HCN3: variants seen among roughly 807,000 people sequenced by gnomAD.
The protein encoded by HCN3 is potassium/sodium hyperpolarization-activated cyclic nucleotide-gated channel 3.
In HCN3, 36 loss-of-function variants were observed where a neutral mutation model predicts 56.8. The observed-to-expected ratio is 0.63, with a 90% CI of 0.49 to 0.84. The LOEUF (loss-of-function observed/expected upper bound fraction) is 0.84. Among genes scored for constraint, HCN3 ranks in the 40% least tolerant of loss-of-function variants. The pLI is 0.00. For missense variants in HCN3, 930 were observed against 1,079.3 expected (o/e 0.86, Z 1.94); for synonymous variants, 425 against 439.7 (o/e 0.97, Z 0.42).
chr1:155,285,796 G>A lies in HCN3; in HGVS notation c.1309G>A (p.Val437Ile), dbSNP rs755154997. 1.2e-5 allele frequency: 19 copies of A among 1,614,076 alleles called. No homozygotes were observed. The highest frequency in any genetic ancestry group is 1.6e-4 in the Middle Eastern group (1 of 6,084). Residue 437 changes from valine (V) to isoleucine (I), a missense_variant, in exon 6 of 8, where the codon GTC (valine) becomes ATC (isoleucine). Transcript: ENST00000368358. This position sits in a 1 kb window ranked among gnomAD's most constrained non-coding sequence, Gnocchi z 4.5. The part of the protein sequence containing the change: ...PLFAHADPSF[V>I]TAVLTKLRFE... ...GTTTGCCCATGCCGACCCCAGCTTC[G>A]TCACTGCAGTTCTCACCAAGCTGCG...
intron 2 of HCN3, among the ~76,000 whole-genome samples, chr1:155,283,575 A>G (rs964403797): frequency 8.7e-6 from 1 of 115,250 alleles, no homozygotes; most frequent in Non-Finnish European, 1.6e-5. Flanking sequence ...CCCATTATAT[A>G]TTATTATGAC....
Position 155,284,266 on chromosome 1 carries a change from G to A in HCN3, c.870+131G>A. 8.8e-7 allele frequency: 1 copy of A among 1,130,174 alleles called. No homozygotes were observed. The highest frequency in any genetic ancestry group is 1.3e-6 in the Non-Finnish European group (1 of 799,824). The allele number at this position is 1,130,174 out of a possible 1,614,324, so 70.0% of individuals were successfully genotyped here. A position where few individuals can be genotyped will look rare whatever the true frequency, so the allele number is the denominator to read the frequency against. On this transcript the variant is annotated intron_variant, in intron 3 of 7. Transcript: ENST00000368358. The surrounding 1 kb of genome is among the most constrained non-coding windows in gnomAD (Gnocchi z 4.3). ...GAAAATAGGAGCGAGGAGGTGGGGA[G>A]GAGGGAGGAAAGGGGAAGGAGACCC...
At position 155,284,412 on chromosome 1, in the gene HCN3, G is replaced by T; in HGVS notation, c.871-127G>T. 9.1e-7 allele frequency: 1 copy of T among 1,100,720 alleles called. No individual in the cohort carries two copies. The highest frequency in any genetic ancestry group is 1.3e-6 in the Non-Finnish European group (1 of 788,130). The allele number at this position is 1,100,720 out of a possible 1,614,324, so 68.2% of individuals were successfully genotyped here. Reference sequence around the variant, plus strand: ...CAGGGCCCCCCAGAACCAAACTTAAGTGCCTGCCAGGAGGAAGGCCTGCAG... The same window carrying T: ...CAGGGCCCCCCAGAACCAAACTTAATTGCCTGCCAGGAGGAAGGCCTGCAG... On this transcript the variant is annotated intron_variant, in intron 3 of 7. Transcript: ENST00000368358. The surrounding 1 kb of genome is among the most constrained non-coding windows in gnomAD (Gnocchi z 4.3).
chr1:155,284,252 C>A lies in HCN3; in HGVS notation c.870+117C>A. ...AGATGATCACAACAGAAAATAGGAG[C>A]GAGGAGGTGGGGAGGAGGGAGGAAA... On this transcript the variant is annotated intron_variant, in intron 3 of 7. Transcript: ENST00000368358. This position sits in a 1 kb window ranked among gnomAD's most constrained non-coding sequence, Gnocchi z 4.3. 8.0e-7 allele frequency: 1 copy of A among 1,242,362 alleles called. No individual in the cohort carries two copies. The highest frequency in any genetic ancestry group is 2.5e-5 in the East Asian group (1 of 40,352). 77.0% of individuals were successfully genotyped at this position (1,242,362 alleles called of 1,614,324 possible). A position where few individuals can be genotyped will look rare whatever the true frequency, so the allele number is the denominator to read the frequency against.
In HCN3 at chr1:155,285,328, C is replaced by T. The variant is rs1221100599; in HGVS notation, c.1236+17C>T. 1.2e-6 allele frequency: 2 copies of T among 1,612,946 alleles called. No homozygotes were observed. Among genetic ancestry groups the T allele is most frequent in the South Asian group, 2.2e-5 (2 of 90,916 alleles). On this transcript the variant is annotated intron_variant, in intron 5 of 7. Transcript: ENST00000368358. The surrounding 1 kb of genome is among the most constrained non-coding windows in gnomAD (Gnocchi z 4.5). ...CTTCGCGAGGTGGGGCTGGGTTGGG[C>T]CTGGAAGGGGGGCTCTTCAGGGACC...
At chr1:155,280,268 A>T (rs952227163) in intron 1 of HCN3, among the ~76,000 whole-genome samples, 10 of 148,192 alleles carry the variant, frequency 6.7e-5, no homozygotes, top group Non-Finnish European at 1.5e-4. Flanking sequence ...TATTTATTTT[A>T]TTTATTTATT....
chr1:155,288,304 G>C lies in HCN3; in HGVS notation c.2166G>C (p.Arg722=), dbSNP rs1218705516. The C allele has an allele frequency of 1.9e-6, 3 of 1,612,754 alleles. No individual in the cohort carries two copies. The highest frequency in any genetic ancestry group is 2.5e-6 in the Non-Finnish European group (3 of 1,179,792). The stretch of plus-strand genomic sequence containing the variant: ...CCTCCCAACCCTCTCTGCCTCAGCG[G>C]GCAACAGGCGATGGCTCTCCTGGGC... ...LSASQPSLPQ[R]ATGDGSPGRK... Residue 722 remains arginine, a synonymous_variant, in exon 8 of 8, where the codon CGG becomes CGC. Transcript: ENST00000368358. The surrounding 1 kb of genome is among the most constrained non-coding windows in gnomAD (Gnocchi z 6.5).
chr1:155,280,815 C>T (rs1450854413), intron 1 of HCN3, among the ~76,000 whole-genome samples: 5 of 127,410 alleles, frequency 3.9e-5, no homozygotes, highest in South Asian at 5.1e-4. Context: ...AGTGCAATGG[C>T]GCAATCTCGG....
In HCN3 at chr1:155,285,097, ACCC is replaced by A; in HGVS notation, c.1090-66_1090-64del. The A allele has an allele frequency of 6.4e-7, 1 of 1,568,984 alleles. No individual in the cohort carries two copies. Among genetic ancestry groups the A allele is most frequent in the Non-Finnish European group, 8.7e-7 (1 of 1,151,742 alleles). ...TGTGTCTCTGACCTTCCGCACACAC[ACCC>A]CACTGTGCCGGCCCCAAATCTCTCC... On this transcript the variant is annotated intron_variant, in intron 4 of 7. Coordinates refer to ENST00000368358, the MANE Select transcript of HCN3 (RefSeq NM_020897.3). This position sits in a 1 kb window ranked among gnomAD's most constrained non-coding sequence, Gnocchi z 4.5.
chr1:155,280,652 A>T (rs1490526587), intron 1 of HCN3, among the ~76,000 whole-genome samples: 6 of 141,916 alleles, frequency 4.2e-5, no homozygotes, highest in Non-Finnish European at 6.1e-5. Context: ...GTTAGCCAGG[A>T]TGGTCTCAAT....
intron 1 of HCN3, among the ~76,000 whole-genome samples, chr1:155,280,608 T>C (rs907785232): frequency 5.4e-5 from 8 of 148,344 alleles, no homozygotes; most frequent in Non-Finnish European, 1.2e-4. Context: ...AGCTAATTTT[T>C]TGTATTTTTT....
rs904681445 is a variant in HCN3, at chr1:155,282,817, C to G, written c.685C>G (p.Arg229Gly). The G allele has an allele frequency of 1.3e-6, 2 of 1,598,848 alleles. No individual in the cohort carries two copies. Among genetic ancestry groups the G allele is most frequent in the Non-Finnish European group, 8.5e-7 (1 of 1,170,774 alleles). ...GCTGCTCCGCCTCTCCCGCCTCATC[C>G]GCTACATACACCAGTGGGAGGAGGT... ...LRLLRLSRLIRYIHQWEEIFH... is the reference protein window; with the variant it reads ...LRLLRLSRLIGYIHQWEEIFH... Residue 229 changes from arginine (R) to glycine (G), a missense_variant, in exon 2 of 8, where the codon CGC (arginine) becomes GGC (glycine). Transcript: ENST00000368358. The surrounding 1 kb of genome is among the most constrained non-coding windows in gnomAD (Gnocchi z 4.7).
chr1:155,281,837 C>T (rs1201062916), intron 1 of HCN3, among the ~76,000 whole-genome samples: 1 of 151,570 alleles, frequency 6.6e-6, no homozygotes, highest in African/African-American at 2.4e-5. Context: ...GGCTGGAGTA[C>T]ACCTCAGCCT....
Position 155,284,091 on chromosome 1 carries a change from C to T in HCN3, c.826C>T (p.Gln276Ter). The change falls in exon 3 of 8, where the codon CAG (glutamine) becomes TAG (stop). Residue 276 changes from glutamine to a stop codon, truncating the protein, a stop_gained. Transcript: ENST00000368358. LOFTEE classifies it high-confidence loss of function. The surrounding 1 kb of genome is among the most constrained non-coding windows in gnomAD (Gnocchi z 4.3). ...GCLQFLVPMLQDFPPDCWVSI... is the reference protein window; with the variant it reads ...GCLQFLVPML ...TCTGCAGTTCCTGGTGCCCATGCTG[C>T]AGGACTTCCCTCCCGACTGCTGGGT... is the stretch of plus-strand genomic sequence containing the variant. The T allele has an allele frequency of 4.3e-6, 7 of 1,614,170 alleles. No individual in the cohort carries two copies. Among genetic ancestry groups the T allele is most frequent in the Non-Finnish European group, 5.1e-6 (6 of 1,180,012 alleles).
At position 155,288,166 on chromosome 1, in the gene HCN3, C is replaced by T. The variant is rs1349246705; in HGVS notation, c.2028C>T (p.Ala676=). 1.9e-6 allele frequency: 3 copies of T among 1,579,598 alleles called. No individual in the cohort carries two copies. The highest frequency in any genetic ancestry group is 2.6e-6 in the Non-Finnish European group (3 of 1,167,926). Reference sequence around the variant, plus strand: ...CCTCCCGCCTGCCCGCCCCACCTGCCCGAACCCTGCACGCCAGCCTATCCC... The same window carrying T: ...CCTCCCGCCTGCCCGCCCCACCTGCTCGAACCCTGCACGCCAGCCTATCCC... ...ASTSRLPAPP[A]RTLHASLSRA... The change falls in exon 8 of 8, where the codon GCC becomes GCT. Residue 676 remains alanine, a synonymous_variant. Transcript: ENST00000368358. This position sits in a 1 kb window ranked among gnomAD's most constrained non-coding sequence, Gnocchi z 6.5.
rs11264350 is a variant in HCN3 at position 155,279,049 on chromosome 1, G to A, written c.278+1181G>A. The stretch of plus-strand genomic sequence containing the variant: ...AATACAGGATTCCTCCTCAGCAGCC[G>A]AGGAGAGAAAAGAAGAATGGCCGAG... On this transcript the variant is annotated intron_variant, in intron 1 of 7. Coordinates refer to ENST00000368358, the MANE Select transcript of HCN3 (RefSeq NM_020897.3). Among the ~76,000 whole-genome samples the A allele has an allele frequency of 4.5e-4, 69 of 152,302 alleles. 1 individual carries two copies. Among genetic ancestry groups the A allele is most frequent in the African/African-American group, 1.6e-3 (67 of 41,560 alleles).
chr1:155,288,907 G>A lies in HCN3; in HGVS notation c.*444G>A. ...TGTTTCCCTGCCAATGATCCTGCAG[G>A]TTCTGCCCGGTCTGGTTATCTTCCT... On this transcript the variant is annotated 3_prime_UTR_variant, in exon 8 of 8. Transcript: ENST00000368358. This position sits in a 1 kb window ranked among gnomAD's most constrained non-coding sequence, Gnocchi z 6.5. 6.0e-6 allele frequency: 1 copy of A among 166,650 alleles called. No homozygotes were observed. The highest frequency in any genetic ancestry group is 1.3e-5 in the Non-Finnish European group (1 of 77,016). 10.3% of individuals were successfully genotyped at this position (166,650 alleles called of 1,614,324 possible). A position where few individuals can be genotyped will look rare whatever the true frequency, so the allele number is the denominator to read the frequency against.
intron 1 of HCN3, among the ~76,000 whole-genome samples, chr1:155,281,703 A>G (rs997667304): frequency 6.6e-6 from 1 of 151,618 alleles, no homozygotes; most frequent in Non-Finnish European, 1.5e-5. Flanking sequence ...GGATCTTACT[A>G]TGTTGCCCAG....
At position 155,284,066 on chromosome 1, in the gene HCN3, T is replaced by G; in HGVS notation, c.801T>G (p.Cys267Trp). Reference protein sequence around the residue: ...MMLLLCHWDGCLQFLVPMLQD... With the variant: ...MMLLLCHWDGWLQFLVPMLQD... Reference sequence around the variant, plus strand: ...TGCTGCTATGTCACTGGGATGGCTGTCTGCAGTTCCTGGTGCCCATGCTGC... The same window carrying G: ...TGCTGCTATGTCACTGGGATGGCTGGCTGCAGTTCCTGGTGCCCATGCTGC... Residue 267 changes from cysteine to tryptophan, a missense_variant, in exon 3 of 8, where the codon TGT (cysteine) becomes TGG (tryptophan). By Grantham distance (215) the Cys-to-Trp change is radical (BLOSUM62 -2). Transcript: ENST00000368358. The surrounding 1 kb of genome is among the most constrained non-coding windows in gnomAD (Gnocchi z 4.3). The G allele has an allele frequency of 6.2e-7, 1 of 1,614,194 alleles. No individual in the cohort carries two copies. The highest frequency in any genetic ancestry group is 8.5e-7 in the Non-Finnish European group (1 of 1,180,024).
Sources: allele counts gnomAD v4.1 joint callset (sites outside exome capture counted in the v4.1 genomes callset), GRCh38; gene constraint gnomAD v4.1.1; non-coding constraint Gnocchi (gnomAD v3.1); transcripts MANE v1.5; gene names NCBI Gene and HGNC (gene_info 2026-07-23, HGNC 2026-07-21).